CYP2A6: variants seen among roughly 807,000 people sequenced by gnomAD.
The protein encoded by CYP2A6 is cytochrome P450 2A6.
Under a neutral mutation model 42.3 loss-of-function variants are expected in CYP2A6, and 27 were observed. The observed-to-expected ratio is 0.64, with a 90% confidence interval of 0.47 to 0.88. The LOEUF (loss-of-function observed/expected upper bound fraction) is 0.88, where lower values mean the gene tolerates loss of function less well. Ranked by LOEUF, CYP2A6 falls within the 40% of genes least tolerant of loss-of-function variation. CYP2A6 has a pLI of 0.00. For synonymous variants in CYP2A6, 238 were observed against 246.3 expected, an observed-to-expected ratio of 0.97 and a Z score of 0.31; for missense variants, 628 against 646.0, an observed-to-expected ratio of 0.97 and a Z score of 0.30.
intron 5 of CYP2A6, 63 bp from the exon 6 acceptor site, chr19:40,846,160 T>G: frequency 6.3e-7 from 1 of 1,589,308 alleles, no homozygotes; most frequent in South Asian, 1.1e-5. Flanking sequence ...CTTCTAGGGC[T>G]TTTCCTTTGG....
Position 40,846,965 on chromosome 19 carries a change from GA to G in CYP2A6, c.740del (p.Phe247SerfsTer2). On this transcript the variant is annotated frameshift_variant, in exon 5 of 9. Coordinates refer to ENST00000301141, the MANE Select transcript of CYP2A6 (RefSeq NM_000762.6). LOFTEE classifies it high-confidence loss of function. ...AFQLLQGLED[F>X]IAKKVEHNQR... ...GGTTGTGCTCCACCTTCTTGGCTAT[GA>G]AGTCCTCCAGCCCTTGCAGCAACTG... 6.2e-7 allele frequency: 1 copy of G among 1,612,078 alleles called. No homozygotes were observed. The highest frequency in any genetic ancestry group is 8.5e-7 in the Non-Finnish European group (1 of 1,179,948).
intron 7 of CYP2A6, 115 bp downstream of exon 7, chr19:40,845,179 T>C (rs755804507): frequency 7.3e-7 from 1 of 1,369,808 alleles, no homozygotes; most frequent in Non-Finnish European, 1.0e-6. Flanking sequence ...AAGTCTTTTT[T>C]GACTGATTGA....
intron 5 of CYP2A6, 35 bp downstream of exon 5, chr19:40,846,840 C>G (rs1568514851): frequency 6.2e-7 from 1 of 1,606,740 alleles, no homozygotes; most frequent in Non-Finnish European, 8.5e-7. Flanking sequence ...CTCTGCCTGG[C>G]TTTGCATCTC....
At chr19:40,848,043 G>A (rs1967129950) in intron 4 of CYP2A6, among the ~76,000 whole-genome samples, 176 bp downstream of exon 4, 1 of 151,118 alleles carries the variant, frequency 6.6e-6, no homozygotes, top group African/African-American at 2.4e-5. Context: ...TTGGAGACAG[G>A]GTATTGGACA....
In CYP2A6 at chr19:40,849,029, A is replaced by AG. The variant is rs1231942163; in HGVS notation, c.344-267dup. 4.2e-3 allele frequency among the ~76,000 whole-genome samples: 187 copies of AG among 44,128 alleles called. 15 individuals are homozygous for AG. Among genetic ancestry groups the AG allele is most frequent in the Non-Finnish European group, 7.4e-3 (135 of 18,136 alleles). 28.9% of individuals were successfully genotyped at this position (44,128 alleles called of 152,430 possible). A position where few individuals can be genotyped will look rare whatever the true frequency, so the allele number is the denominator to read the frequency against. On this transcript the variant is annotated intron_variant, in intron 2 of 8. Transcript: ENST00000301141. ...GAGAGAGAAGAGAGAGAGGAGAGAG[A>AG]GAGAGAAGAGAGAGAGGAGAGAGAG...
chr19:40,848,710 C>G lies in CYP2A6; in HGVS notation c.397G>C (p.Ala133Pro). Residue 133 changes from alanine to proline, a missense_variant, in exon 3 of 9, where the codon GCC becomes CCC. Ala to Pro is a conservative substitution (Grantham distance 27, BLOSUM62 -1). Transcript: ENST00000301141. Reference protein sequence around the residue: ...RAKQLRRFSIATLRDFGVGKR... With the variant: ...RAKQLRRFSIPTLRDFGVGKR... ...CCCACCCCGAAGTCCCGCAGGGTGG[C>G]GATGGAGAAGCGCCGGAGCTGCTTG... is the stretch of plus-strand genomic sequence containing the variant. 1.9e-6 allele frequency: 3 copies of G among 1,611,860 alleles called. No homozygotes were observed. The highest frequency in any genetic ancestry group is 2.5e-6 in the Non-Finnish European group (3 of 1,179,892).
In CYP2A6 at chr19:40,846,913, G is replaced by A. The variant is rs776087815; in HGVS notation, c.793C>T (p.Arg265Trp). 1.9e-5 allele frequency: 30 copies of A among 1,612,040 alleles called. No individual in the cohort carries two copies. Among genetic ancestry groups the A allele is most frequent in the African/African-American group, 6.7e-5 (5 of 74,774 alleles). Residue 265 changes from arginine to tryptophan, a missense_variant, in exon 5 of 9, where the codon CGG (arginine) becomes TGG (tryptophan). Arg to Trp is a moderately radical substitution (Grantham distance 101). Coordinates refer to ENST00000301141, the MANE Select transcript of CYP2A6 (RefSeq NM_000762.6). ...NQRTLDPNSP[R>W]DFIDSFLIRM... The stretch of plus-strand genomic sequence containing the variant: ...ATGAGAAAGGAGTCAATGAAGTCCC[G>A]TGGGGAATTGGGATCCAGCGTGCGC...
Position 40,848,679 on chromosome 19 carries a change from C to T in CYP2A6, c.428G>A (p.Arg143Gln), listed in dbSNP as rs780336943. The change falls in exon 3 of 9, where the codon CGA (arginine) becomes CAA (glutamine). Residue 143 changes from arginine to glutamine, a missense_variant. This residue lies in a region of CYP2A6 where 606 missense variants were observed against 568.1 expected (regional missense o/e 1.07). Coordinates refer to ENST00000301141, the MANE Select transcript of CYP2A6 (RefSeq NM_000762.6). ...CTCCTGGATGCGCTCCTCGATGCCT[C>T]GCTTGCCCACCCCGAAGTCCCGCAG... ...ATLRDFGVGK[R>Q]GIEERIQEEA... The T allele has an allele frequency of 2.5e-6, 4 of 1,611,874 alleles. No homozygotes were observed. In the African/African-American group the frequency reaches 4.0e-5, roughly 16 times the overall value.
rs1388383863 is a variant in CYP2A6, at chr19:40,848,988, G to A, written c.344-225C>T. Among the ~76,000 whole-genome samples, 322 of 85,912 alleles carry A rather than the reference G, an allele frequency of 3.7e-3. 4 individuals carry two copies. Among genetic ancestry groups the A allele is most frequent in the African/African-American group, 0.017 (307 of 17,604 alleles). 56.4% of individuals were successfully genotyped at this position (85,912 alleles called of 152,430 possible). Reference sequence around the variant, plus strand: ...AGAGAGAGAGAGAGAAGAGAGAGAGGAGAGAGAGAGAGAGAGAGAGAGAAG... The same window carrying A: ...AGAGAGAGAGAGAGAAGAGAGAGAGAAGAGAGAGAGAGAGAGAGAGAGAAG... On this transcript the variant is annotated intron_variant, in intron 2 of 8. Coordinates refer to ENST00000301141, the MANE Select transcript of CYP2A6 (RefSeq NM_000762.6).
At position 40,844,745 on chromosome 19, in the gene CYP2A6, A is replaced by T; in HGVS notation, c.1189T>A (p.Ser397Thr). 1 of 1,611,552 alleles carries T rather than the reference A, an allele frequency of 6.2e-7. No homozygotes were observed. Among genetic ancestry groups the T allele is most frequent in the Non-Finnish European group, 8.5e-7 (1 of 1,179,798 alleles). The stretch of plus-strand genomic sequence containing the variant: ...AAGAAACTGGGGTCTCTCAGCACAG[A>T]GCCCAGCATAGGGTACACTTCGGTG... Reference protein sequence around the residue: ...KGTEVYPMLGSVLRDPSFFSN... With the variant: ...KGTEVYPMLGTVLRDPSFFSN... The change falls in exon 8 of 9, where the codon TCT becomes ACT. Residue 397 changes from serine to threonine, a missense_variant. This residue lies in a region of CYP2A6 where 606 missense variants were observed against 568.1 expected (regional missense o/e 1.07). Coordinates refer to ENST00000301141, the MANE Select transcript of CYP2A6 (RefSeq NM_000762.6).
At chr19:40,844,832 C>T in intron 7 of CYP2A6, 60 bp from the exon 8 acceptor site, 1 of 1,565,030 alleles carries the variant, frequency 6.4e-7, no homozygotes, top group Non-Finnish European at 8.7e-7. Context: ...TGAAAGTACA[C>T]AGGGGCTGGA....
At chr19:40,846,406 C>G (rs573838894) in intron 5 of CYP2A6, among the ~76,000 whole-genome samples, 4 of 150,942 alleles carry the variant, frequency 2.7e-5, no homozygotes, top group South Asian at 2.1e-4. Context: ...GGCCGGACTC[C>G]AACTCCTGAG....
At chr19:40,845,152 G>C (rs745987327) in intron 7 of CYP2A6, 142 bp downstream of exon 7, 1 of 1,007,818 alleles carries the variant, frequency 9.9e-7, no homozygotes, top group East Asian at 2.6e-5. Context: ...AAGGTGGAAC[G>C]GATGTGGTGG....
At position 40,845,495 on chromosome 19, in the gene CYP2A6, G is replaced by C; in HGVS notation, c.974-14C>G. The stretch of plus-strand genomic sequence containing the variant: ...CATGGACCTTGGCTGGGGGAGGAGG[G>C]GGAATGTGTTTAGGTATCTAGGGGT... On this transcript the variant is annotated splice_polypyrimidine_tract_variant and intron_variant, in intron 6 of 8. Transcript: ENST00000301141. The C allele has an allele frequency of 6.2e-7, 1 of 1,611,044 alleles. No individual in the cohort carries two copies. The highest frequency in any genetic ancestry group is 8.5e-7 in the Non-Finnish European group (1 of 1,179,322).
chr19:40,847,145 T>G lies in CYP2A6; in HGVS notation c.655-94A>C, dbSNP rs562491463. On this transcript the variant is annotated intron_variant, in intron 4 of 8. Transcript: ENST00000301141. ...ATTTGTTTCATAGCAAGGAAGGAACTGAGTTAAAGGCATCTGTCTCGTTGT... is the reference window on the plus strand; with the variant it reads ...ATTTGTTTCATAGCAAGGAAGGAACGGAGTTAAAGGCATCTGTCTCGTTGT... 19 of 1,513,602 alleles carry G rather than the reference T, an allele frequency of 1.3e-5. 1 individual carries two copies. The South Asian group carries it at 1.9e-4, about 15-fold the overall frequency. 93.8% of individuals were successfully genotyped at this position (1,513,602 alleles called of 1,614,324 possible). A position where few individuals can be genotyped will look rare whatever the true frequency, so the allele number is the denominator to read the frequency against.
chr19:40,845,946 C>T lies in CYP2A6; in HGVS notation c.973+10G>A, dbSNP rs1349365945. 13 of 1,610,064 alleles carry T rather than the reference C, an allele frequency of 8.1e-6. No individual in the cohort carries two copies. The highest frequency in any genetic ancestry group is 1.1e-5 in the Non-Finnish European group (13 of 1,179,276). ...TGGGGCCCTCCACTTCCGTCCCCCT[C>T]CAGCCTTACCCTCCACCTCTGGGTG... is the stretch of plus-strand genomic sequence containing the variant. On this transcript the variant is annotated intron_variant, in intron 6 of 8. Coordinates refer to ENST00000301141, the MANE Select transcript of CYP2A6 (RefSeq NM_000762.6).
Position 40,848,204 on chromosome 19 carries a change from G to T in CYP2A6, c.654+15C>A, listed in dbSNP as rs1270572060. 6.2e-7 allele frequency: 1 copy of T among 1,610,976 alleles called. No individual in the cohort carries two copies. The highest frequency in any genetic ancestry group is 1.3e-5 in the African/African-American group (1 of 74,582). Reference sequence around the variant, plus strand: ...TTGTGGTAGGGGCGTCACGGGCCGGGCTGCAGCCAGTTACCTGCCCCGTGG... The same window carrying T: ...TTGTGGTAGGGGCGTCACGGGCCGGTCTGCAGCCAGTTACCTGCCCCGTGG... On this transcript the variant is annotated intron_variant, in intron 4 of 8. Transcript: ENST00000301141.
chr19:40,844,570 A>T lies in CYP2A6; in HGVS notation c.1303+61T>A, dbSNP rs72549446. On this transcript the variant is annotated intron_variant, in intron 8 of 8. Transcript: ENST00000301141. ...CAGGCTACACCGCAGAGAGGGGAGGAGGGTGAGGGAGGCCCCTGCTGGTGT... is the reference window on the plus strand; with the variant it reads ...CAGGCTACACCGCAGAGAGGGGAGGTGGGTGAGGGAGGCCCCTGCTGGTGT... 9.1e-4 allele frequency: 1,459 copies of T among 1,609,338 alleles called. 44 individuals carry two copies. Among genetic ancestry groups the T allele is most frequent in the African/African-American group, 8.1e-3 (605 of 74,552 alleles).
In CYP2A6 at chr19:40,844,735, C is replaced by T. The variant is rs1425619591; in HGVS notation, c.1199G>A (p.Arg400Lys). ...EVYPMLGSVL[R>K]DPSFFSNPQD... is the part of the protein sequence containing the mutation. ...GGGGTTGGAGAAGAAACTGGGGTCTCTCAGCACAGAGCCCAGCATAGGGTA... is the reference window on the plus strand; with the variant it reads ...GGGGTTGGAGAAGAAACTGGGGTCTTTCAGCACAGAGCCCAGCATAGGGTA... The change falls in exon 8 of 9, where the codon AGA (arginine) becomes AAA (lysine). Residue 400 changes from arginine (R) to lysine (K), a missense_variant. Transcript: ENST00000301141. The T allele has an allele frequency of 6.2e-7, 1 of 1,611,646 alleles. No homozygotes were observed. Among genetic ancestry groups the T allele is most frequent in the South Asian group, 1.1e-5 (1 of 90,906 alleles).
Sources: allele counts gnomAD v4.1 joint callset (sites outside exome capture counted in the v4.1 genomes callset), GRCh38; gene constraint gnomAD v4.1.1; regional missense constraint gnomAD v4.1.1; transcripts MANE v1.5; gene names NCBI Gene and HGNC (gene_info 2026-07-23, HGNC 2026-07-21).